The following CTNNA2 variants were observed in gnomAD, a reference collection of about 807,000 sequenced individuals.
CTNNA2 encodes catenin alpha-2.
Under a neutral mutation model 101.0 loss-of-function variants are expected in CTNNA2, and 42 were observed. The ratio of observed to expected loss-of-function variants is 0.42; its 90% CI spans 0.32 to 0.54. The LOEUF is 0.54. CTNNA2 is among the 20% of genes least tolerant of loss of function. The pLI is 0.14. For synonymous variants in CTNNA2, 450 were observed against 456.4 expected (o/e 0.99, Z 0.18); for missense variants, 871 against 1,223.1 (o/e 0.71, Z 4.29).
chr2:80,135,114 AAG>A (rs1702621979), intron 7 of CTNNA2, among the ~76,000 whole-genome samples: 1 of 152,208 alleles, frequency 6.6e-6, no homozygotes, highest in African/African-American at 2.4e-5. Context: ...AGAGCCTGAA[AAG>A]AGTTTCACAG....
chr2:79,756,661 G>T (rs1672422140), intron 3 of CTNNA2, among the ~76,000 whole-genome samples: 1 of 152,050 alleles, frequency 6.6e-6, no homozygotes, highest in South Asian at 2.1e-4. Context: ...GAAAAAACTG[G>T]TAAATTACAT....
At chr2:79,549,805 A>G (rs1292803303) in intron 1 of CTNNA2, among the ~76,000 whole-genome samples, 1 of 152,126 alleles carries the variant, frequency 6.6e-6, no homozygotes, top group Non-Finnish European at 1.5e-5. Context: ...TGGTTTCTTT[A>G]TCTGCTATTT....
chr2:79,353,667 T>C (rs1677443250), intron 3 of CTNNA2, among the ~76,000 whole-genome samples: 1 of 152,194 alleles, frequency 6.6e-6, no homozygotes, highest in Admixed American at 6.5e-5. Flanking sequence ...GAACATTACA[T>C]TCAAGATTAA....
chr2:79,972,556 C>T (rs143697976), intron 7 of CTNNA2, among the ~76,000 whole-genome samples: 5 of 152,126 alleles, frequency 3.3e-5, no homozygotes, highest in Admixed American at 6.5e-5. Context: ...AACACATGCA[C>T]GTCTTTACGT....
chr2:80,148,423 C>A (rs141913911), intron 7 of CTNNA2, among the ~76,000 whole-genome samples: 47 of 152,334 alleles, frequency 3.1e-4, no homozygotes, highest in African/African-American at 1.1e-3. Context: ...ACTGATCCAG[C>A]TGGCATGTTC....
intron 7 of CTNNA2, among the ~76,000 whole-genome samples, chr2:80,099,214 A>G (rs966295414): frequency 6.6e-6 from 1 of 152,032 alleles, no homozygotes; most frequent in Non-Finnish European, 1.5e-5. Flanking sequence ...ATAAGTCCTG[A>G]CTAATTTAGT....
At chr2:79,336,695 G>A (rs1341352542) in intron 3 of CTNNA2, among the ~76,000 whole-genome samples, 4 of 151,898 alleles carry the variant, frequency 2.6e-5, no homozygotes, top group African/African-American at 4.8e-5. Context: ...ATCCTGGTAA[G>A]AAGAGCCCCC....
intron 12 of CTNNA2, among the ~76,000 whole-genome samples, chr2:80,569,237 C>A (rs114482120): frequency 1.3e-5 from 2 of 152,100 alleles, no homozygotes; most frequent in Admixed American, 6.5e-5. Flanking sequence ...TAGAATGATG[C>A]GACCTTGATT....
chr2:79,887,881 T>C (rs1684003682), intron 6 of CTNNA2, among the ~76,000 whole-genome samples: 1 of 152,124 alleles, frequency 6.6e-6, no homozygotes, highest in African/African-American at 2.4e-5. Context: ...GCCTTTTCAA[T>C]TCTTTCTAAC....
Position 80,201,986 on chromosome 2 carries a change from G to A in CTNNA2, c.1057-191225G>A, listed in dbSNP as rs1212078939. Among the ~76,000 whole-genome samples, 3 of 152,180 alleles carry A rather than the reference G, an allele frequency of 2.0e-5. No homozygotes were observed. In the East Asian group the frequency reaches 5.8e-4, roughly 30 times the overall value. On this transcript the variant is annotated intron_variant, in intron 7 of 18. Transcript: ENST00000402739. ...CTACTCCCTTCACCACCCCAACTGAGCAAGGAAAACATTCTTATCCCCTGC... is the reference window on the plus strand; with the variant it reads ...CTACTCCCTTCACCACCCCAACTGAACAAGGAAAACATTCTTATCCCCTGC...
At chr2:80,368,047 A>G (rs2149328535) in intron 7 of CTNNA2, among the ~76,000 whole-genome samples, 1 of 152,272 alleles carries the variant, frequency 6.6e-6, no homozygotes, top group East Asian at 1.9e-4. Flanking sequence ...AAAGCTTGAC[A>G]CATTCATAGA....
intron 2 of CTNNA2, among the ~76,000 whole-genome samples, chr2:79,663,967 T>A (rs1017489077): frequency 2.6e-5 from 4 of 152,216 alleles, no homozygotes; most frequent in Non-Finnish European, 5.9e-5. Flanking sequence ...AATGTAATTG[T>A]ATGTTGCAGT....
chr2:80,457,146 C>A (rs1574083028), intron 9 of CTNNA2, among the ~76,000 whole-genome samples: 1 of 152,034 alleles, frequency 6.6e-6, no homozygotes, highest in East Asian at 1.9e-4. Context: ...TCACTGCAAC[C>A]TCTGCCTCCC....
At chr2:80,274,402 G>A (rs1573569534) in intron 7 of CTNNA2, among the ~76,000 whole-genome samples, 2 of 152,150 alleles carry the variant, frequency 1.3e-5, no homozygotes, top group East Asian at 3.9e-4. Context: ...GATCTGGGAA[G>A]ACATTAAGAT....
intron 7 of CTNNA2, among the ~76,000 whole-genome samples, chr2:79,946,814 T>G (rs949122147): frequency 6.6e-6 from 1 of 152,140 alleles, no homozygotes; most frequent in African/African-American, 2.4e-5. Flanking sequence ...TTTCAGAAAG[T>G]CACTTTCAGG....
chr2:79,334,984 C>T (rs1676962196), intron 3 of CTNNA2, among the ~76,000 whole-genome samples: 1 of 152,124 alleles, frequency 6.6e-6, no homozygotes, highest in Non-Finnish European at 1.5e-5. Flanking sequence ...TTAGAATTTA[C>T]TGCCCTCCCC....
At chr2:79,567,916 C>A (rs889932645) in intron 1 of CTNNA2, among the ~76,000 whole-genome samples, 1 of 152,112 alleles carries the variant, frequency 6.6e-6, no homozygotes, top group Non-Finnish European at 1.5e-5. Flanking sequence ...AATTACTGAG[C>A]CAGAGAAGAC....
At chr2:79,343,942 A>G (rs756411728) in intron 3 of CTNNA2, among the ~76,000 whole-genome samples, 1 of 152,142 alleles carries the variant, frequency 6.6e-6, no homozygotes, top group Non-Finnish European at 1.5e-5. Flanking sequence ...ATATGTATAC[A>G]TGTGCTATTC....
chr2:79,488,224 A>G (rs1671175652), intron 4 of CTNNA2, among the ~76,000 whole-genome samples: 1 of 148,446 alleles, frequency 6.7e-6, no homozygotes, highest in Non-Finnish European at 1.5e-5. Context: ...AGGCTGAGAC[A>G]GGAGAATCAC....
Sources: allele counts gnomAD v4.1 joint callset (sites outside exome capture counted in the v4.1 genomes callset), GRCh38; gene constraint gnomAD v4.1.1; transcripts MANE v1.5; gene names NCBI Gene and HGNC (gene_info 2026-07-23, HGNC 2026-07-21).